ADCY2: variants seen among roughly 807,000 people sequenced by gnomAD.
ADCY2 encodes the protein adenylate cyclase 2.
ADCY2 carries 31 observed loss-of-function variants against 125.2 expected under a neutral mutation model. That is an observed-to-expected ratio of 0.25 (90% CI 0.19 to 0.33). The LOEUF (loss-of-function observed/expected upper bound fraction) is 0.33, where lower values mean the gene tolerates loss of function less well. Among genes scored for constraint, ADCY2 ranks in the 10% least tolerant of loss-of-function variants. The pLI, the probability that ADCY2 is intolerant of heterozygous loss-of-function variation, is 1.00. For synonymous variants in ADCY2, 512 were observed against 548.4 expected (o/e 0.93, Z 0.93); for missense variants, 904 against 1,418.2 (o/e 0.64, Z 5.82).
At chr5:7,481,226 G>T (rs1403757900) in intron 2 of ADCY2, among the ~76,000 whole-genome samples, 1 of 152,056 alleles carries the variant, frequency 6.6e-6, no homozygotes, top group South Asian at 2.1e-4. Context: ...GCATTTCTCC[G>T]ATAATGAATG....
intron 20 of ADCY2, among the ~76,000 whole-genome samples, chr5:7,792,408 A>G (rs1744278017): frequency 6.6e-6 from 1 of 152,058 alleles, no homozygotes; most frequent in Non-Finnish European, 1.5e-5. Flanking sequence ...ATAAATAAAT[A>G]AACATTTTTA....
At chr5:7,536,168 G>A (rs1734805414) in intron 3 of ADCY2, among the ~76,000 whole-genome samples, 1 of 152,194 alleles carries the variant, frequency 6.6e-6, no homozygotes, top group Non-Finnish European at 1.5e-5. Flanking sequence ...GAGTTTCTCT[G>A]AGGCAAAGCT....
intron 21 of ADCY2, among the ~76,000 whole-genome samples, chr5:7,804,040 A>C (rs866378404): frequency 9.4e-6 from 1 of 106,614 alleles, no homozygotes; most frequent in African/African-American, 3.7e-5. Context: ...GGAGGGGGGA[A>C]AGAGAGAGAG....
intron 11 of ADCY2, among the ~76,000 whole-genome samples, chr5:7,716,646 C>T (rs1186549840): frequency 6.6e-6 from 1 of 152,166 alleles, no homozygotes; most frequent in Non-Finnish European, 1.5e-5. Context: ...TCTTTTTCTA[C>T]TTGATTAGCA....
At chr5:7,624,466 C>CTGAG (rs1213356693) in intron 3 of ADCY2, among the ~76,000 whole-genome samples, 1 of 152,170 alleles carries the variant, frequency 6.6e-6, no homozygotes, top group Non-Finnish European at 1.5e-5. Context: ...CACTGCTTGG[C>CTGAG]TGAGAATGCA....
intron 4 of ADCY2, among the ~76,000 whole-genome samples, chr5:7,665,023 C>T (rs931737836): frequency 6.6e-6 from 1 of 152,090 alleles, no homozygotes; most frequent in Non-Finnish European, 1.5e-5. Context: ...CTTTCTGAAG[C>T]AAATCAATGT....
At chr5:7,607,053 G>A (rs1420478269) in intron 3 of ADCY2, among the ~76,000 whole-genome samples, 1 of 152,156 alleles carries the variant, frequency 6.6e-6, no homozygotes. Context: ...CTTTGATCCT[G>A]TTCTGCCTTC....
At chr5:7,614,063 A>C (rs1737667902) in intron 3 of ADCY2, among the ~76,000 whole-genome samples, 1 of 152,230 alleles carries the variant, frequency 6.6e-6, no homozygotes, top group Non-Finnish European at 1.5e-5. Flanking sequence ...TTGAGCAATC[A>C]ATAATGCATC....
At chr5:7,775,591 A>G (rs1025500153) in intron 18 of ADCY2, among the ~76,000 whole-genome samples, 4 of 152,068 alleles carry the variant, frequency 2.6e-5, no homozygotes, top group African/African-American at 9.7e-5. Flanking sequence ...GGGTTTCACC[A>G]TGTTGGCCAG....
intron 19 of ADCY2, among the ~76,000 whole-genome samples, chr5:7,786,560 A>C (rs1744090020): frequency 6.6e-6 from 1 of 152,338 alleles, no homozygotes; most frequent in South Asian, 2.1e-4. Context: ...TAGGTATCTA[A>C]GTAGCCTTGA....
At chr5:7,634,060 T>A (rs1738409879) in intron 4 of ADCY2, among the ~76,000 whole-genome samples, 1 of 152,252 alleles carries the variant, frequency 6.6e-6, no homozygotes, top group African/African-American at 2.4e-5. Context: ...CTTCTGTGAT[T>A]GCCATCATAT....
In ADCY2 at chr5:7,617,951, A is replaced by G. The variant is rs540737998; in HGVS notation, c.571-8216A>G. Among the ~76,000 whole-genome samples, 14 of 152,322 alleles carry G rather than the reference A, an allele frequency of 9.2e-5. No homozygotes were observed. In the South Asian group the frequency reaches 2.7e-3, roughly 29 times the overall value. On this transcript the variant is annotated intron_variant, in intron 3 of 24. Coordinates refer to ENST00000338316, the MANE Select transcript of ADCY2 (RefSeq NM_020546.3). ...CTCCCCTTCCCAAATGGTTTCAGTG[A>G]TGCATCCTTTTATAATTACATTATG...
At chr5:7,779,655 C>A (rs1049480601) in intron 18 of ADCY2, among the ~76,000 whole-genome samples, 17 of 152,280 alleles carry the variant, frequency 1.1e-4, no homozygotes, top group African/African-American at 3.4e-4. Context: ...GGAGCCTATT[C>A]CTTAATTTGT....
rs184441994 is a variant in ADCY2 at position 7,626,043 on chromosome 5, C to A, written c.571-124C>A. The stretch of plus-strand genomic sequence containing the variant: ...GCAAATAAAAATGTTACTTTGGAAA[C>A]AGAAGTAAAATTAACTTCCTGCAGT... On this transcript the variant is annotated intron_variant, in intron 3 of 24. Transcript: ENST00000338316. The A allele has an allele frequency of 9.2e-6, 10 of 1,084,606 alleles. No individual in the cohort carries two copies. The East Asian group carries it at 2.0e-4, about 22-fold the overall frequency. 67.2% of individuals were successfully genotyped at this position (1,084,606 alleles called of 1,614,324 possible). A position where few individuals can be genotyped will look rare whatever the true frequency, so the allele number is the denominator to read the frequency against.
chr5:7,745,869 TC>T (rs1165427821), intron 15 of ADCY2, among the ~76,000 whole-genome samples: 1 of 152,214 alleles, frequency 6.6e-6, no homozygotes, highest in Admixed American at 6.5e-5. Flanking sequence ...CATTCTACTC[TC>T]TAAGTTGTTA....
intron 2 of ADCY2, among the ~76,000 whole-genome samples, chr5:7,476,348 G>A (rs1046901167): frequency 9.2e-5 from 14 of 152,134 alleles, no homozygotes; most frequent in Non-Finnish European, 1.5e-4. Flanking sequence ...CCCACGCCTG[G>A]ACATTGTTGT....
chr5:7,463,798 CT>C (rs1252436162), intron 2 of ADCY2, among the ~76,000 whole-genome samples: 1 of 152,010 alleles, frequency 6.6e-6, no homozygotes, highest in Admixed American at 6.6e-5. Context: ...AAAAATGTTT[CT>C]TGGAGACAGT....
intron 4 of ADCY2, among the ~76,000 whole-genome samples, chr5:7,635,312 A>T (rs1280619560): frequency 1.3e-5 from 2 of 152,230 alleles, no homozygotes; most frequent in African/African-American, 2.4e-5. Context: ...GCCATGGCAT[A>T]CTATGGCAGC....
intron 3 of ADCY2, 95 bp from the exon 4 acceptor site, chr5:7,626,072 C>G: frequency 7.5e-7 from 1 of 1,342,044 alleles, no homozygotes; most frequent in Non-Finnish European, 1.0e-6. Context: ...CTGCAGTTAT[C>G]TCTCTGAAGA....
Sources: allele counts gnomAD v4.1 joint callset (sites outside exome capture counted in the v4.1 genomes callset), GRCh38; gene constraint gnomAD v4.1.1; transcripts MANE v1.5; gene names NCBI Gene and HGNC (gene_info 2026-07-23, HGNC 2026-07-21).